Variants in ATP6V1D observed in about 807,000 individuals in gnomAD.
The protein encoded by ATP6V1D is V-type proton ATPase subunit D.
In ATP6V1D, 20 loss-of-function variants were observed where a neutral mutation model predicts 39.4. That is an observed-to-expected ratio of 0.51 (90% CI 0.36 to 0.74). The LOEUF (loss-of-function observed/expected upper bound fraction) is 0.74. Among genes scored for constraint, ATP6V1D ranks in the 30% least tolerant of loss-of-function variants. ATP6V1D has a pLI of 0.00. For missense variants in ATP6V1D, 228 were observed against 291.6 expected (o/e 0.78, Z 1.59); for synonymous variants, 100 against 100.5 (o/e 0.99, Z 0.03).
chr14:67,356,783 AGG>A, intron 1 of ATP6V1D, among the ~76,000 whole-genome samples: 1 of 152,200 alleles, frequency 6.6e-6, no homozygotes, highest in Non-Finnish European at 1.5e-5. Context: ...GTCTCACAAG[AGG>A]TCTTATCAAG....
chr14:67,359,002 CTACTT>C (rs1354771073), intron 1 of ATP6V1D, among the ~76,000 whole-genome samples: 1 of 152,200 alleles, frequency 6.6e-6, no homozygotes, highest in Non-Finnish European at 1.5e-5. Context: ...AAACAAATAT[CTACTT>C]TACAGCGTGA....
At chr14:67,340,776 T>C (rs993770749) in intron 7 of ATP6V1D, among the ~76,000 whole-genome samples, 5 of 152,096 alleles carry the variant, frequency 3.3e-5, no homozygotes, top group African/African-American at 4.8e-5. Context: ...CCTCCCTGCC[T>C]GATTCTCCTG....
At chr14:67,352,184 A>G (rs1389880983) in intron 2 of ATP6V1D, among the ~76,000 whole-genome samples, 1 of 152,102 alleles carries the variant, frequency 6.6e-6, no homozygotes, top group Non-Finnish European at 1.5e-5. Context: ...AAGTACGTAC[A>G]GGTTTAAAAA....
intron 4 of ATP6V1D, 104 bp downstream of exon 4, chr14:67,348,933 A>G (rs553332584): frequency 9.3e-7 from 1 of 1,071,378 alleles, no homozygotes; most frequent in Non-Finnish European, 1.4e-6. Flanking sequence ...TGTTCTAAGT[A>G]GAAGGAAGAA....
chr14:67,347,220 T>C (rs563896985), intron 5 of ATP6V1D, among the ~76,000 whole-genome samples, 189 bp downstream of exon 5: 1 of 152,328 alleles, frequency 6.6e-6, no homozygotes, highest in African/African-American at 2.4e-5. Context: ...ATTACAGGCA[T>C]GAGCCATTGT....
At chr14:67,350,162 C>A (rs573252023) in intron 3 of ATP6V1D, among the ~76,000 whole-genome samples, 2 of 152,260 alleles carry the variant, frequency 1.3e-5, no homozygotes, top group African/African-American at 4.8e-5. Flanking sequence ...AAGTTCATGC[C>A]TTTTAAATAA....
chr14:67,342,690 CAGTT>C (rs1452507048), intron 7 of ATP6V1D, among the ~76,000 whole-genome samples: 2 of 148,294 alleles, frequency 1.3e-5, no homozygotes, highest in Non-Finnish European at 3.0e-5. Context: ...GTTAATATAA[CAGTT>C]AATATATTTC....
intron 3 of ATP6V1D, among the ~76,000 whole-genome samples, chr14:67,350,103 G>A (rs1285621602): frequency 2.6e-5 from 4 of 152,170 alleles, no homozygotes; most frequent in Non-Finnish European, 5.9e-5. Flanking sequence ...ACATTTGCAA[G>A]CTATTTTGTA....
intron 3 of ATP6V1D, 25 bp downstream of exon 3, chr14:67,350,586 A>G (rs1429088022): frequency 6.3e-7 from 1 of 1,595,610 alleles, no homozygotes. Context: ...GTTTTGCTTC[A>G]AAACACCCCG....
intron 8 of ATP6V1D, 138 bp downstream of exon 8, chr14:67,340,302 T>G: frequency 1.4e-6 from 1 of 696,518 alleles, no homozygotes. Flanking sequence ...GGTAATAATA[T>G]TTCTTGCTGC....
chr14:67,352,780 T>C, intron 2 of ATP6V1D, 143 bp downstream of exon 2: 1 of 607,396 alleles, frequency 1.6e-6, no homozygotes, highest in African/African-American at 1.9e-5. Flanking sequence ...CTATTTGATA[T>C]TTGACACTTG....
At chr14:67,358,070 A>C (rs933765417) in intron 1 of ATP6V1D, among the ~76,000 whole-genome samples, 1 of 146,156 alleles carries the variant, frequency 6.8e-6, no homozygotes, top group Non-Finnish European at 1.5e-5. Context: ...CCTAGCTTTG[A>C]GCTTTTTCAG....
intron 1 of ATP6V1D, among the ~76,000 whole-genome samples, chr14:67,358,097 C>T (rs1157297668): frequency 1.6e-5 from 2 of 127,226 alleles, no homozygotes; most frequent in African/African-American, 2.9e-5. Flanking sequence ...ATTTTAATGG[C>T]GGGGGCGGCG....
intron 8 of ATP6V1D, 124 bp downstream of exon 8, chr14:67,340,312 CTTAT>C: frequency 2.7e-6 from 2 of 738,730 alleles, no homozygotes; most frequent in Non-Finnish European, 4.4e-6. Flanking sequence ...TTTCTTGCTG[CTTAT>C]TTATCAGAAT....
At chr14:67,352,876 C>A in intron 2 of ATP6V1D, 47 bp downstream of exon 2, 2 of 1,337,034 alleles carry the variant, frequency 1.5e-6, no homozygotes, top group African/African-American at 1.5e-5. Context: ...AAGGGCCATG[C>A]TGGATTTTTC....
Position 67,339,589 on chromosome 14 carries a change from T to C in ATP6V1D, c.603-827A>G, listed in dbSNP as rs991077157. Among the ~76,000 whole-genome samples, 19 of 152,322 alleles carry C rather than the reference T, an allele frequency of 1.2e-4. No individual in the cohort carries two copies. In the East Asian group the frequency reaches 3.7e-3, roughly 29 times the overall value. On this transcript the variant is annotated intron_variant, in intron 8 of 8. Transcript: ENST00000216442. ...AGTATTTATACCTGTTGACTCTAAA[T>C]GTTCATAACCAATTCATGGACATGC...
chr14:67,355,009 T>A (rs944407112), intron 1 of ATP6V1D, among the ~76,000 whole-genome samples: 14 of 151,978 alleles, frequency 9.2e-5, no homozygotes, highest in African/African-American at 3.4e-4. Context: ...GACAGGTTTC[T>A]CCATGTTGGT....
intron 2 of ATP6V1D, 59 bp from the exon 3 acceptor site, chr14:67,350,749 T>C: frequency 2.7e-6 from 4 of 1,465,180 alleles, no homozygotes; most frequent in Non-Finnish European, 2.9e-6. Context: ...AAATATTCCA[T>C]CATAATTATG....
At chr14:67,341,758 G>T (rs1405846012) in intron 7 of ATP6V1D, among the ~76,000 whole-genome samples, 1 of 152,264 alleles carries the variant, frequency 6.6e-6, no homozygotes, top group Admixed American at 6.5e-5. Flanking sequence ...GAAAGGTGGG[G>T]AAAAGATAGA....
Sources: allele counts gnomAD v4.1 joint callset (sites outside exome capture counted in the v4.1 genomes callset), GRCh38; gene constraint gnomAD v4.1.1; transcripts MANE v1.5; gene names NCBI Gene and HGNC (gene_info 2026-07-23, HGNC 2026-07-21).